Variants in TP63 observed in about 807,000 individuals in gnomAD.
The protein encoded by TP63 is tumor protein p63.
TP63 carries 17 observed loss-of-function variants against 82.8 expected under a neutral mutation model. The ratio of observed to expected loss-of-function variants is 0.21; its 90% CI spans 0.14 to 0.31. The LOEUF is 0.31. Among genes scored for constraint, TP63 ranks in the 10% least tolerant of loss-of-function variants. The probability of loss-of-function intolerance (pLI) is 1.00; values close to 1 mark genes in which losing one functional copy is unlikely to be tolerated. For synonymous variants in TP63, 330 were observed against 321.7 expected (o/e 1.03, Z -0.28); for missense variants, 648 against 895.3 (o/e 0.72, Z 3.52).
chr3:189,722,785 T>C (rs1449269245), intron 1 of TP63, among the ~76,000 whole-genome samples: 1 of 152,198 alleles, frequency 6.6e-6, no homozygotes, highest in East Asian at 1.9e-4. Flanking sequence ...GTATGTGTTA[T>C]ATTAATTATA....
At chr3:189,672,102 T>C (rs1396688225) in intron 1 of TP63, among the ~76,000 whole-genome samples, 1 of 152,104 alleles carries the variant, frequency 6.6e-6, no homozygotes, top group Non-Finnish European at 1.5e-5. Flanking sequence ...ATATTAGTTA[T>C]TCTTATTTGA....
intron 9 of TP63, among the ~76,000 whole-genome samples, chr3:189,872,577 A>G (rs1000532359): frequency 6.6e-6 from 1 of 152,164 alleles, no homozygotes; most frequent in Non-Finnish European, 1.5e-5. Flanking sequence ...TAAATAGACC[A>G]TGAAAAGAAC....
chr3:189,882,013 C>T (rs1487964112), intron 10 of TP63, among the ~76,000 whole-genome samples: 2 of 100,024 alleles, frequency 2.0e-5, no homozygotes. Flanking sequence ...ATAAGAAGTT[C>T]TAACCAAAAA....
chr3:189,617,849 G>A, the TP63 span, among the ~76,000 whole-genome samples: 1 of 152,168 alleles, frequency 6.6e-6, no homozygotes, highest in Non-Finnish European at 1.5e-5. Flanking sequence ...GACTGAAAAA[G>A]TGACAACTAA....
chr3:189,694,776 C>A (rs1219731844), intron 1 of TP63, among the ~76,000 whole-genome samples: 1 of 112,364 alleles, frequency 8.9e-6, no homozygotes, highest in African/African-American at 3.1e-5. Context: ...TGAAAGGAGG[C>A]CAGTATTTAC....
chr3:189,866,537 A>T, intron 5 of TP63, 145 bp from the exon 6 acceptor site: 1 of 715,252 alleles, frequency 1.4e-6, no homozygotes, highest in African/African-American at 1.8e-5. Context: ...TGGCTATGGG[A>T]TCTGTTCGTT....
chr3:189,682,903 T>A (rs1716103916), intron 1 of TP63, among the ~76,000 whole-genome samples: 1 of 152,126 alleles, frequency 6.6e-6, no homozygotes, highest in South Asian at 2.1e-4. Context: ...TTCTGAATTA[T>A]GCAAGAATGG....
At chr3:189,688,395 G>A (rs566818036) in intron 1 of TP63, among the ~76,000 whole-genome samples, 3 of 152,214 alleles carry the variant, frequency 2.0e-5, no homozygotes, top group African/African-American at 7.2e-5. Flanking sequence ...TTAGTGCCTG[G>A]GGAAAGCTCC....
intron 3 of TP63, among the ~76,000 whole-genome samples, chr3:189,803,574 A>G (rs1390182945): frequency 1.3e-5 from 2 of 152,186 alleles, no homozygotes; most frequent in Non-Finnish European, 2.9e-5. Flanking sequence ...GTATCTTTAT[A>G]CCTACCATGC....
At chr3:189,716,191 G>A (rs539841737) in intron 1 of TP63, among the ~76,000 whole-genome samples, 12 of 152,226 alleles carry the variant, frequency 7.9e-5, no homozygotes, top group East Asian at 7.7e-4. Context: ...CAATGCATCC[G>A]TTACTGACCT....
chr3:189,677,692 G>T (rs1715563573), intron 1 of TP63, among the ~76,000 whole-genome samples: 1 of 151,862 alleles, frequency 6.6e-6, no homozygotes, highest in Non-Finnish European at 1.5e-5. Flanking sequence ...CATAAAGGTT[G>T]CACTAATTTA....
chr3:189,614,689 G>A, the TP63 span, among the ~76,000 whole-genome samples: 1 of 152,132 alleles, frequency 6.6e-6, no homozygotes. Context: ...AGGCTCATGT[G>A]GAGTACATTT....
intron 4 of TP63, among the ~76,000 whole-genome samples, chr3:189,861,964 G>A (rs1021401896): frequency 4.6e-5 from 7 of 152,124 alleles, no homozygotes; most frequent in African/African-American, 1.7e-4. Context: ...GAAGTTCCAA[G>A]AGCTCTGAAA....
At chr3:189,726,063 CG>C (rs961302155) in intron 1 of TP63, among the ~76,000 whole-genome samples, 1 of 63,916 alleles carries the variant, frequency 1.6e-5, no homozygotes, top group Admixed American at 1.8e-4. Flanking sequence ...TTGGGTGGGG[CG>C]GGGGGGAATA....
intron 3 of TP63, among the ~76,000 whole-genome samples, chr3:189,805,692 C>T (rs1041980491): frequency 6.6e-6 from 1 of 152,166 alleles, no homozygotes; most frequent in African/African-American, 2.4e-5. Flanking sequence ...AGGAGCATGG[C>T]TTATTTTGAG....
chr3:189,620,412 A>G, the TP63 span, among the ~76,000 whole-genome samples: 1 of 148,540 alleles, frequency 6.7e-6, no homozygotes, highest in Non-Finnish European at 1.5e-5. Flanking sequence ...CGGGAGGCTG[A>G]GGCAGGAGAA....
chr3:189,607,105 G>A, the TP63 span, among the ~76,000 whole-genome samples: 1 of 120,270 alleles, frequency 8.3e-6, no homozygotes, highest in African/African-American at 2.7e-5. Flanking sequence ...CCTGAGAAGG[G>A]TTCTTCAAAA....
chr3:189,844,260 C>T (rs768307153), intron 4 of TP63: 50 of 414,354 alleles, frequency 1.2e-4, no homozygotes, highest in Non-Finnish European at 1.8e-4. Flanking sequence ...CAACCTCCAC[C>T]TCCTGGGTTC....
rs9840360 is a variant in TP63, at chr3:189,873,036, G to A, written c.1349+41G>A. 333,043 of 1,613,004 alleles carry A rather than the reference G, an allele frequency of 0.21. 36,282 individuals carry two copies. The highest frequency in any genetic ancestry group is 0.38 in the African/African-American group (28,249 of 74,802). On this transcript the variant is annotated intron_variant, in intron 10 of 13. Transcript: ENST00000264731. ...TGTCATTTTAGGAGGCATGAGTGAG[G>A]GTGACTTTATTTGGATCAGCAATAG...
Sources: gnomAD v4.1 joint callset for allele counts (sites outside exome capture counted in the v4.1 genomes callset) on GRCh38, gnomAD v4.1.1 for gene constraint, MANE v1.5 for transcripts, NCBI Gene and HGNC (gene_info 2026-07-23, HGNC 2026-07-21) for gene names.